The following SH3BGR variants were observed in gnomAD, a reference collection of about 807,000 sequenced individuals.
SH3BGR encodes SH3 domain binding glutamate rich protein.
Under a neutral mutation model 24.5 loss-of-function variants are expected in SH3BGR, and 29 were observed. The ratio of observed to expected loss-of-function variants is 1.18; its 90% CI spans 0.88 to 1.61. The LOEUF (loss-of-function observed/expected upper bound fraction) is 1.61. Among genes scored for constraint, SH3BGR ranks in the 40% most tolerant of loss-of-function variants. SH3BGR has a pLI of 0.00. For synonymous variants in SH3BGR, 55 were observed against 65.7 expected (o/e 0.84, Z 0.79); for missense variants, 162 against 205.8 (o/e 0.79, Z 1.30).
chr21:39,487,464 G>T (rs1221876002), intron 3 of SH3BGR, among the ~76,000 whole-genome samples: 4 of 152,202 alleles, frequency 2.6e-5, no homozygotes, highest in Non-Finnish European at 4.4e-5. Flanking sequence ...CAGTGTTAAA[G>T]TGTTACCTTT....
At chr21:39,493,423 G>C (rs940926061) in intron 3 of SH3BGR, among the ~76,000 whole-genome samples, 11 of 152,156 alleles carry the variant, frequency 7.2e-5, no homozygotes, top group Admixed American at 2.6e-4. Flanking sequence ...ATCGTTGGCT[G>C]TAAGTATTTG....
At chr21:39,463,477 C>T (rs1009307002) in intron 2 of SH3BGR, among the ~76,000 whole-genome samples, 1 of 152,154 alleles carries the variant, frequency 6.6e-6, no homozygotes, top group Non-Finnish European at 1.5e-5. Flanking sequence ...AGGGTTTTTG[C>T]AGATGAGGAA....
rs1480858376 is a variant in SH3BGR at position 39,467,473 on chromosome 21, G to C, written c.231+4913G>C. ...AGCTTTGCTTAATTTGCTTTTCTGT[G>C]GTCTATGGACACACTTACAAAAGTA... is the stretch of plus-strand genomic sequence containing the variant. On this transcript the variant is annotated intron_variant, in intron 2 of 6. Transcript: ENST00000333634. Among the ~76,000 whole-genome samples the C allele has an allele frequency of 3.3e-5, 5 of 152,080 alleles. No homozygotes were observed. In the East Asian group the frequency reaches 9.6e-4, roughly 29 times the overall value.
chr21:39,486,443 A>G (rs1443531639), intron 3 of SH3BGR, among the ~76,000 whole-genome samples: 9 of 152,234 alleles, frequency 5.9e-5, no homozygotes, highest in Non-Finnish European at 1.3e-4. Context: ...GTAATTATTC[A>G]GAGACATAAT....
chr21:39,482,506 A>G (rs1406512857), intron 3 of SH3BGR, among the ~76,000 whole-genome samples: 1 of 152,216 alleles, frequency 6.6e-6, no homozygotes, highest in African/African-American at 2.4e-5. Context: ...TGATAAAAAT[A>G]CTGGAGTTAC....
intron 3 of SH3BGR, chr21:39,491,411 A>C (rs1251949689): frequency 6.4e-6 from 1 of 156,578 alleles, no homozygotes; most frequent in East Asian, 1.9e-4. Flanking sequence ...TGGCCTCCCA[A>C]AGTGTTGTTG....
chr21:39,492,694 T>A (rs991081106), intron 3 of SH3BGR, among the ~76,000 whole-genome samples: 2 of 152,172 alleles, frequency 1.3e-5, no homozygotes, highest in Admixed American at 1.3e-4. Context: ...TTAAGAAATA[T>A]CCATACTGTT....
chr21:39,493,463 C>A (rs1483003298), intron 3 of SH3BGR, among the ~76,000 whole-genome samples: 1 of 152,176 alleles, frequency 6.6e-6, no homozygotes, highest in African/African-American at 2.4e-5. Context: ...TATTCTGTTT[C>A]ATTGGTCTAT....
chr21:39,494,607 G>T (rs2078362692), intron 3 of SH3BGR, among the ~76,000 whole-genome samples: 1 of 151,718 alleles, frequency 6.6e-6, no homozygotes. Flanking sequence ...GATAGTGTAT[G>T]ATTTTTCTCT....
intron 3 of SH3BGR, among the ~76,000 whole-genome samples, chr21:39,479,175 G>C (rs547189925): frequency 1.3e-5 from 2 of 151,886 alleles, no homozygotes; most frequent in South Asian, 4.2e-4. Flanking sequence ...TTCGAGGCCA[G>C]TCTTGGCAAC....
chr21:39,488,971 TCAAA>T (rs1195212032), intron 3 of SH3BGR, among the ~76,000 whole-genome samples: 4 of 151,890 alleles, frequency 2.6e-5, no homozygotes, highest in African/African-American at 4.8e-5. Flanking sequence ...CCCAAAACCC[TCAAA>T]CAAACAAACA....
intron 3 of SH3BGR, among the ~76,000 whole-genome samples, chr21:39,497,786 A>G (rs536367004): frequency 9.9e-5 from 15 of 152,194 alleles, no homozygotes; most frequent in Non-Finnish European, 1.6e-4. Flanking sequence ...ATGAAATTCT[A>G]TTTTCTTCTC....
chr21:39,512,200 A>G (rs2078707401), intron 6 of SH3BGR, among the ~76,000 whole-genome samples: 1 of 152,188 alleles, frequency 6.6e-6, no homozygotes, highest in Non-Finnish European at 1.5e-5. Flanking sequence ...CACCAACCAC[A>G]TGTACAACTT....
upstream of SH3BGR, among the ~76,000 whole-genome samples, chr21:39,451,577 C>T (rs2077574720): frequency 1.3e-5 from 2 of 152,082 alleles, no homozygotes; most frequent in African/African-American, 4.8e-5. Flanking sequence ...CTATTCTGAC[C>T]CTTCCAGTTT....
chr21:39,448,116 GTCT>G (rs2077532020), upstream of SH3BGR, among the ~76,000 whole-genome samples: 2 of 152,198 alleles, frequency 1.3e-5, no homozygotes, highest in African/African-American at 4.8e-5. Flanking sequence ...TCCCTGTCTT[GTCT>G]TCTTATAAGG....
intron 3 of SH3BGR, among the ~76,000 whole-genome samples, chr21:39,480,063 A>G (rs543669319): frequency 1.3e-5 from 2 of 152,330 alleles, no homozygotes; most frequent in African/African-American, 4.8e-5. Context: ...AAAAGGAACT[A>G]TCATCCCCTG....
chr21:39,473,639 C>T (rs980505863), intron 2 of SH3BGR, among the ~76,000 whole-genome samples: 1 of 151,990 alleles, frequency 6.6e-6, no homozygotes. Context: ...AATCCCAGCA[C>T]TTTGGGAGGC....
chr21:39,462,603 T>C (rs761243564), intron 2 of SH3BGR, 43 bp downstream of exon 2: 5 of 1,380,918 alleles, frequency 3.6e-6, no homozygotes, highest in Non-Finnish European at 4.8e-6. Context: ...TGTGTGTGTT[T>C]ATTAGAAATT....
chr21:39,470,256 C>T (rs897244846), intron 2 of SH3BGR, among the ~76,000 whole-genome samples: 1 of 151,652 alleles, frequency 6.6e-6, no homozygotes, highest in African/African-American at 2.4e-5. Context: ...TTACTTTTGT[C>T]CCAAACTTTT....
Sources: gnomAD v4.1 joint callset for allele counts (sites outside exome capture counted in the v4.1 genomes callset) on GRCh38, gnomAD v4.1.1 for gene constraint, MANE v1.5 for transcripts, NCBI Gene and HGNC (gene_info 2026-07-23, HGNC 2026-07-21) for gene names.